Variants in BCKDHB observed in about 807,000 individuals in gnomAD.
BCKDHB encodes 2-oxoisovalerate dehydrogenase subunit beta, mitochondrial.
In BCKDHB, 41 loss-of-function variants were observed where a neutral mutation model predicts 48.5. The observed-to-expected ratio is 0.85, with a 90% CI of 0.66 to 1.10. The LOEUF (loss-of-function observed/expected upper bound fraction) is 1.10, where lower values mean the gene tolerates loss of function less well. Among genes scored for constraint, BCKDHB ranks in the 50% least tolerant of loss-of-function variants. The pLI, the probability that BCKDHB is intolerant of heterozygous loss-of-function variation, is 0.00. For missense variants in BCKDHB, 496 were observed against 494.2 expected (o/e 1.00, Z -0.03); for synonymous variants, 201 against 174.8 (o/e 1.15, Z -1.18).
chr6:80,296,844 A>G (rs938119308), intron 9 of BCKDHB, among the ~76,000 whole-genome samples: 1 of 152,188 alleles, frequency 6.6e-6, no homozygotes, highest in African/African-American at 2.4e-5. Flanking sequence ...ATTTTATCTA[A>G]CTTAAAACAA....
intron 3 of BCKDHB, among the ~76,000 whole-genome samples, chr6:80,130,412 A>G (rs1379695543): frequency 2.0e-5 from 3 of 151,996 alleles, no homozygotes; most frequent in Non-Finnish European, 4.4e-5. Context: ...GTTATGTTAT[A>G]CTTAAATCCA....
At chr6:80,107,490 C>CATAT (rs1232612537) in intron 1 of BCKDHB, among the ~76,000 whole-genome samples, 1 of 122,314 alleles carries the variant, frequency 8.2e-6, no homozygotes, top group African/African-American at 3.3e-5. Flanking sequence ...TATATACGCG[C>CATAT]ATATATATGC....
chr6:80,405,026 C>G, the BCKDHB span, among the ~76,000 whole-genome samples: 1 of 152,034 alleles, frequency 6.6e-6, no homozygotes, highest in Admixed American at 6.6e-5. Flanking sequence ...GTTGGATGGA[C>G]TGTTCTGTGT....
chr6:80,124,392 G>A (rs907704664), intron 1 of BCKDHB, among the ~76,000 whole-genome samples: 2 of 152,214 alleles, frequency 1.3e-5, no homozygotes, highest in African/African-American at 2.4e-5. Context: ...GGAGAGTTCT[G>A]TAGATGTCTA....
intron 9 of BCKDHB, among the ~76,000 whole-genome samples, chr6:80,338,309 T>A (rs1179790206): frequency 2.0e-5 from 3 of 152,246 alleles, no homozygotes; most frequent in Non-Finnish European, 2.9e-5. Flanking sequence ...TTTTTTACTC[T>A]AACTTTTCGG....
At chr6:80,274,591 C>G (rs1366025456) in intron 9 of BCKDHB, among the ~76,000 whole-genome samples, 2 of 151,946 alleles carry the variant, frequency 1.3e-5, no homozygotes, top group Non-Finnish European at 2.9e-5. Context: ...CTAATTGAAA[C>G]TTTGACAGCC....
the BCKDHB span, among the ~76,000 whole-genome samples, chr6:80,397,815 T>A: frequency 6.6e-6 from 1 of 151,904 alleles, no homozygotes; most frequent in Non-Finnish European, 1.5e-5. Flanking sequence ...GGAGGCAGAG[T>A]TTGCAGTGAG....
chr6:80,220,733 TC>T (rs1212554742), intron 8 of BCKDHB, among the ~76,000 whole-genome samples: 7 of 125,782 alleles, frequency 5.6e-5, no homozygotes, highest in Non-Finnish European at 1.0e-4. Flanking sequence ...CTTTTCTTTT[TC>T]TTTTTTTTTT....
At chr6:80,454,750 C>T in the BCKDHB span, among the ~76,000 whole-genome samples, 1 of 152,128 alleles carries the variant, frequency 6.6e-6, no homozygotes, top group Non-Finnish European at 1.5e-5. Context: ...CAAGACCACA[C>T]AGAATCAGGA....
the BCKDHB span, among the ~76,000 whole-genome samples, chr6:80,438,738 T>C: frequency 6.6e-6 from 1 of 152,230 alleles, no homozygotes; most frequent in Non-Finnish European, 1.5e-5. Flanking sequence ...ACATGAACTT[T>C]AGCATAACAA....
intron 3 of BCKDHB, 42 bp from the exon 4 acceptor site, chr6:80,167,635 CT>C: frequency 6.5e-7 from 1 of 1,543,022 alleles, no homozygotes; most frequent in Non-Finnish European, 9.0e-7. Context: ...CATGACATTA[CT>C]CTCATTTGCC....
the BCKDHB span, among the ~76,000 whole-genome samples, chr6:80,433,901 A>G: frequency 6.6e-6 from 1 of 151,988 alleles, no homozygotes. Flanking sequence ...ATATTTGGAA[A>G]TTTTTTTGGC....
chr6:80,314,244 A>T (rs1468596975), intron 9 of BCKDHB, among the ~76,000 whole-genome samples: 1 of 152,242 alleles, frequency 6.6e-6, no homozygotes, highest in Non-Finnish European at 1.5e-5. Flanking sequence ...ATTTGGGTAG[A>T]GAGTTCTGTA....
the BCKDHB span, among the ~76,000 whole-genome samples, chr6:80,367,014 C>G: frequency 5.3e-5 from 8 of 152,170 alleles, no homozygotes; most frequent in African/African-American, 1.4e-4. Context: ...ACCAAAAATA[C>G]TCTCTCTTAA....
downstream of BCKDHB, among the ~76,000 whole-genome samples, chr6:80,347,755 C>T (rs9352821): frequency 0.21 from 31,314 of 152,128 alleles, 3,733 homozygotes; most frequent in South Asian, 0.37. Context: ...AGTAAACACT[C>T]CCTTTTCTTC....
chr6:80,263,183 C>T (rs1273101731), intron 8 of BCKDHB, among the ~76,000 whole-genome samples: 4 of 152,066 alleles, frequency 2.6e-5, no homozygotes, highest in Non-Finnish European at 5.9e-5. Context: ...CTCCATTGGG[C>T]GTGACAGAGC....
Position 80,167,769 on chromosome 6 carries a change from G to A in BCKDHB, c.435G>A (p.Ala145=), listed in dbSNP as rs370267903. The A allele has an allele frequency of 3.1e-5, 50 of 1,613,844 alleles. No homozygotes were observed. The highest frequency in any genetic ancestry group is 1.9e-4 in the South Asian group (17 of 91,064). The change falls in exon 4 of 10, where the codon GCG becomes GCA. Residue 145 remains alanine (A), a synonymous_variant. Transcript: ENST00000320393. ...CGGTCACTGGAGCTACTGCCATTGC[G>A]GAAATTCAGTTTGCAGATTATATTT... ...GIAVTGATAI[A]EIQFADYIFP... is the part of the protein sequence containing the mutation.
intron 4 of BCKDHB, 36 bp downstream of exon 4, chr6:80,167,847 T>C (rs772850899): frequency 2.1e-5 from 33 of 1,604,420 alleles, no homozygotes; most frequent in Non-Finnish European, 2.6e-5. Context: ...TGTTCATTCA[T>C]TGAAATATTC....
At chr6:80,406,274 C>T in the BCKDHB span, among the ~76,000 whole-genome samples, 23 of 152,110 alleles carry the variant, frequency 1.5e-4, no homozygotes, top group Middle Eastern at 3.2e-3. Context: ...TGAATAGTGC[C>T]GCAATAAACA....
Sources: gnomAD v4.1 joint callset for allele counts (sites outside exome capture counted in the v4.1 genomes callset) on GRCh38, gnomAD v4.1.1 for gene constraint, MANE v1.5 for transcripts, NCBI Gene and HGNC (gene_info 2026-07-23, HGNC 2026-07-21) for gene names.